Variants in ZNF236 observed in about 807,000 individuals in gnomAD.
ZNF236 encodes regulated by glucose.
In ZNF236, 50 loss-of-function variants were observed where a neutral mutation model predicts 191.2. That is an observed-to-expected ratio of 0.26 (90% confidence interval 0.21 to 0.33). ZNF236 has a LOEUF of 0.33. ZNF236 is among the 10% of genes least tolerant of loss of function. The pLI, the probability that ZNF236 is intolerant of heterozygous loss-of-function variation, is 1.00. For synonymous variants in ZNF236, 907 were observed against 928.8 expected (o/e 0.98, Z 0.43); for missense variants, 1,754 against 2,374.5 (o/e 0.74, Z 5.43).
chr18:76,961,726 C>T (rs541973431), intron 30 of ZNF236, among the ~76,000 whole-genome samples: 675 of 23,776 alleles, frequency 0.028, 6 homozygotes, highest in African/African-American at 0.038. Context: ...CTAGCATGTA[C>T]TATTTTTTTT....
At chr18:76,864,489 C>T (rs1201115270) in intron 3 of ZNF236, among the ~76,000 whole-genome samples, 6 of 152,150 alleles carry the variant, frequency 3.9e-5, no homozygotes, top group African/African-American at 7.2e-5. Context: ...CGTGAGCCAC[C>T]GCACCTGGCC....
At chr18:76,955,561 G>A (rs1053574679) in intron 27 of ZNF236, among the ~76,000 whole-genome samples, 1 of 152,174 alleles carries the variant, frequency 6.6e-6, no homozygotes, top group African/African-American at 2.4e-5. Context: ...ACTTTTTGTT[G>A]TTACGAATTG....
In ZNF236 at chr18:76,927,595, G is replaced by A. The variant is rs1299592069; in HGVS notation, c.4414+78G>A. 2.0e-6 allele frequency: 3 copies of A among 1,503,056 alleles called. No individual in the cohort carries two copies. Among genetic ancestry groups the A allele is most frequent in the Non-Finnish European group, 2.7e-6 (3 of 1,122,004 alleles). 93.1% of individuals were successfully genotyped at this position (1,503,056 alleles called of 1,614,324 possible). On this transcript the variant is annotated intron_variant, in intron 24 of 30. Transcript: ENST00000320610. The surrounding 1 kb of genome is among the most constrained non-coding windows in gnomAD (Gnocchi z 5.4). ...CTTGTGATTACATATTTGAATTTAG[G>A]ATGTTATGATGTCATTTTCTTCTCT...
chr18:76,827,127 C>A (rs772507539), intron 1 of ZNF236, among the ~76,000 whole-genome samples: 10 of 152,062 alleles, frequency 6.6e-5, no homozygotes, highest in Non-Finnish European at 1.5e-4. Flanking sequence ...AACTCCTGAC[C>A]TCGGGTGATC....
chr18:76,954,614 G>T (rs1968480201), intron 27 of ZNF236, among the ~76,000 whole-genome samples: 1 of 152,104 alleles, frequency 6.6e-6, no homozygotes, highest in Non-Finnish European at 1.5e-5. Flanking sequence ...CCTGACACAG[G>T]TGTCATTTTC....
chr18:76,888,356 C>T (rs1327634841), intron 9 of ZNF236: 1 of 152,718 alleles, frequency 6.5e-6, no homozygotes, highest in East Asian at 1.9e-4. Flanking sequence ...GAGCGAGACT[C>T]CGTCTCAAAA....
chr18:76,874,386 G>C lies in ZNF236; in HGVS notation c.668-1106G>C, dbSNP rs976101855. Among the ~76,000 whole-genome samples, 16 of 152,144 alleles carry C rather than the reference G, an allele frequency of 1.1e-4. No individual in the cohort carries two copies. The East Asian group carries it at 2.5e-3, about 24-fold the overall frequency. ...GAAATTTAAGTAGCCTTGCAGTTAG[G>C]TTCTAACCTAACTCGATTTTGTCTT... is the stretch of plus-strand genomic sequence containing the variant. On this transcript the variant is annotated intron_variant, in intron 5 of 30. Transcript: ENST00000320610.
At chr18:76,871,893 T>C in intron 5 of ZNF236, 68 bp downstream of exon 5, 20 of 1,582,164 alleles carry the variant, frequency 1.3e-5, no homozygotes, top group Non-Finnish European at 1.7e-5. Flanking sequence ...GCCTTTTTGC[T>C]AGCTCGACTT....
At chr18:76,944,203 G>A (rs1405580481) in intron 26 of ZNF236, among the ~76,000 whole-genome samples, 3 of 152,156 alleles carry the variant, frequency 2.0e-5, no homozygotes, top group Non-Finnish European at 2.9e-5. Flanking sequence ...CCAGCTGCCA[G>A]GGCCAACAGC....
At position 76,968,646 on chromosome 18, in the gene ZNF236, T is replaced by C. The variant is rs1047348256; in HGVS notation, c.*307T>C. On this transcript the variant is annotated 3_prime_UTR_variant, in exon 31 of 31. Transcript: ENST00000320610. ...CACGAAGCAATTAACTGGGTCTTAC[T>C]ATCATTGTAGTGTGATTTCTTTGTA... The C allele has an allele frequency of 1.8e-6, 2 of 1,102,722 alleles. No homozygotes were observed. The highest frequency in any genetic ancestry group is 1.7e-5 in the African/African-American group (1 of 59,908). 68.3% of individuals were successfully genotyped at this position (1,102,722 alleles called of 1,614,324 possible). A position where few individuals can be genotyped will look rare whatever the true frequency, so the allele number is the denominator to read the frequency against.
chr18:76,911,346 C>T (rs997838182), intron 16 of ZNF236, among the ~76,000 whole-genome samples: 3 of 152,120 alleles, frequency 2.0e-5, no homozygotes, highest in South Asian at 2.1e-4. Flanking sequence ...AAATCCACCG[C>T]GGGTAGCTTT....
Position 76,875,029 on chromosome 18 carries a change from G to A in ZNF236, c.668-463G>A, listed in dbSNP as rs1376398645. On this transcript the variant is annotated intron_variant, in intron 5 of 30. Transcript: ENST00000320610. This position sits in a 1 kb window ranked among gnomAD's most constrained non-coding sequence, Gnocchi z 4.3. ...TGTTGTTTTGAGAGCAGCCTAGGAA[G>A]GGGCCAGGGTGGAAGCAGTGAGTCA... Among the ~76,000 whole-genome samples the A allele has an allele frequency of 6.6e-6, 1 of 152,212 alleles. No individual in the cohort carries two copies. Among genetic ancestry groups the A allele is most frequent in the African/African-American group, 2.4e-5 (1 of 41,460 alleles).
chr18:76,915,537 A>T, intron 18 of ZNF236, 110 bp from the exon 19 acceptor site: 3 of 984,158 alleles, frequency 3.0e-6, no homozygotes, highest in South Asian at 1.5e-5. Context: ...AAGCCTCAGG[A>T]TAATGTTGTA....
chr18:76,970,779 G>A lies in ZNF236; in HGVS notation c.*2440G>A, dbSNP rs987550008. The A allele has an allele frequency of 7.2e-5, 11 of 152,236 alleles. No homozygotes were observed. The highest frequency in any genetic ancestry group is 2.7e-4 in the African/African-American group (11 of 41,458). The allele number at this position is 152,236 out of a possible 1,614,324, so 9.4% of individuals were successfully genotyped here. ...TATTTAAGATAAAACAGTTTGGCAT[G>A]TAAATTAATTTCAAGTTCAGATATT... On this transcript the variant is annotated 3_prime_UTR_variant, in exon 31 of 31. Transcript: ENST00000320610.
intron 11 of ZNF236, 127 bp from the exon 12 acceptor site, chr18:76,904,253 A>G (rs1006638614): frequency 3.8e-6 from 3 of 787,534 alleles, no homozygotes; most frequent in Non-Finnish European, 5.4e-6. Flanking sequence ...TTAAAATAAC[A>G]TAGTTGCAAC....
At chr18:76,832,048 A>G (rs889056029) in intron 1 of ZNF236, among the ~76,000 whole-genome samples, 2 of 152,162 alleles carry the variant, frequency 1.3e-5, no homozygotes, top group African/African-American at 4.8e-5. Context: ...ATATTTTCCT[A>G]TGTTTTCATC....
At chr18:76,857,913 G>A (rs1360770087) in intron 3 of ZNF236, among the ~76,000 whole-genome samples, 1 of 152,164 alleles carries the variant, frequency 6.6e-6, no homozygotes, top group Non-Finnish European at 1.5e-5. Flanking sequence ...ATGAGAACAC[G>A]GAATGTGAAA....
chr18:76,894,681 C>T (rs999543017), intron 9 of ZNF236, among the ~76,000 whole-genome samples: 3 of 152,118 alleles, frequency 2.0e-5, no homozygotes, highest in Non-Finnish European at 2.9e-5. Context: ...CTTCTCTTCT[C>T]GTTCCCTGCA....
intron 1 of ZNF236, among the ~76,000 whole-genome samples, chr18:76,827,287 G>A (rs1003975347): frequency 1.3e-5 from 2 of 152,138 alleles, no homozygotes; most frequent in African/African-American, 4.8e-5. Context: ...CTGGGTTCAA[G>A]TGATTCTCCT....
Sources: allele counts gnomAD v4.1 joint callset (sites outside exome capture counted in the v4.1 genomes callset), GRCh38; gene constraint gnomAD v4.1.1; non-coding constraint Gnocchi (gnomAD v3.1); transcripts MANE v1.5; gene names NCBI Gene and HGNC (gene_info 2026-07-23, HGNC 2026-07-21).